The following ERGIC1 variants were observed in gnomAD, a reference collection of about 807,000 sequenced individuals.
The protein encoded by ERGIC1 is endoplasmic reticulum-golgi intermediate compartment 1.
ERGIC1 carries 19 observed loss-of-function variants against 38.3 expected under a neutral mutation model. The observed-to-expected ratio is 0.50, with a 90% CI of 0.35 to 0.73. The LOEUF is 0.73. Ranked by LOEUF, ERGIC1 falls within the 30% of genes least tolerant of loss-of-function variation. The probability of loss-of-function intolerance (pLI) is 0.01; values close to 1 mark genes in which losing one functional copy is unlikely to be tolerated. For missense variants in ERGIC1, 294 were observed against 389.2 expected (o/e 0.76, Z 2.06); for synonymous variants, 124 against 157.6 (o/e 0.79, Z 1.60).
intron 9 of ERGIC1, among the ~76,000 whole-genome samples, chr5:172,943,185 C>CATAAT: frequency 6.6e-6 from 1 of 152,282 alleles, no homozygotes. Context: ...GGTGCCATCT[C>CATAAT]AGACCCAGCA....
At chr5:172,911,210 T>G (rs1206312596) in intron 4 of ERGIC1, among the ~76,000 whole-genome samples, 1 of 152,242 alleles carries the variant, frequency 6.6e-6, no homozygotes, top group East Asian at 1.9e-4. Flanking sequence ...TCATTGCTTT[T>G]GGTGAGATTT....
chr5:172,852,722 C>T (rs1267710072), intron 1 of ERGIC1, among the ~76,000 whole-genome samples: 1 of 152,266 alleles, frequency 6.6e-6, no homozygotes, highest in African/African-American at 2.4e-5. Context: ...CTTACCGTGT[C>T]ATCAGCGGGG....
intron 1 of ERGIC1, among the ~76,000 whole-genome samples, chr5:172,851,609 T>G (rs971805064): frequency 1.3e-5 from 2 of 152,146 alleles, no homozygotes; most frequent in Admixed American, 1.3e-4. Context: ...CTCTGGGACC[T>G]TAAAGCGGGA....
rs754819558 is a variant in ERGIC1, at chr5:172,909,740, T to G, written c.229T>G (p.Leu77Val). ...GATCGACGTCAGTCTGAACATCAGT[T>G]TACCCAATCTGCACTGCGAGTGTGA... Reference protein sequence around the residue: ...GKIDVSLNISLPNLHCELVGL... With the variant: ...GKIDVSLNISVPNLHCELVGL... The change falls in exon 4 of 10, where the codon TTA becomes GTA. Residue 77 changes from leucine to valine, a missense_variant. Around this residue, in one of 3 missense-constraint regions of ERGIC1, gnomAD observed 163 missense variants for 225.8 expected, o/e 0.72. Transcript: ENST00000393784. 5.0e-6 allele frequency: 8 copies of G among 1,614,176 alleles called. No individual in the cohort carries two copies. The South Asian group carries it at 8.8e-5, about 18-fold the overall frequency.
chr5:172,924,336 G>T (rs1269349463), intron 6 of ERGIC1, among the ~76,000 whole-genome samples: 3 of 152,216 alleles, frequency 2.0e-5, no homozygotes, highest in Non-Finnish European at 4.4e-5. Context: ...CCAGCTGGTG[G>T]TTTTCATGTG....
chr5:172,846,023 T>C lies in ERGIC1; in HGVS notation c.20+11590T>C, dbSNP rs1761274947. Among the ~76,000 whole-genome samples the C allele has an allele frequency of 6.6e-6, 1 of 152,180 alleles. No homozygotes were observed. Among genetic ancestry groups the C allele is most frequent in the Admixed American group, 6.5e-5 (1 of 15,278 alleles). ...AGAATGTCCCCAGCCTGGGTTTGTCTGATGTTTCTTCCTAAGTGGACAGGG... is the reference window on the plus strand; with the variant it reads ...AGAATGTCCCCAGCCTGGGTTTGTCCGATGTTTCTTCCTAAGTGGACAGGG... On this transcript the variant is annotated intron_variant, in intron 1 of 9. Transcript: ENST00000393784. The surrounding 1 kb of genome is among the most constrained non-coding windows in gnomAD (Gnocchi z 4.0).
At chr5:172,925,541 G>A (rs565592815) in intron 6 of ERGIC1, among the ~76,000 whole-genome samples, 31 of 152,230 alleles carry the variant, frequency 2.0e-4, no homozygotes, top group Non-Finnish European at 2.9e-4. Context: ...ATGCCACCCC[G>A]CTGCTGCCCA....
chr5:172,855,286 CA>C (rs1761517944), intron 1 of ERGIC1, among the ~76,000 whole-genome samples: 3 of 152,200 alleles, frequency 2.0e-5, no homozygotes, highest in African/African-American at 7.2e-5. Flanking sequence ...GATCTGGACC[CA>C]GCAAACATGG....
At chr5:172,893,906 T>TACACAC in intron 2 of ERGIC1, among the ~76,000 whole-genome samples, 1 of 13,494 alleles carries the variant, frequency 7.4e-5, no homozygotes, top group Non-Finnish European at 2.0e-4. Context: ...TATATATATA[T>TACACAC]GTGTGTGTGT....
At chr5:172,852,704 G>T (rs903538171) in intron 1 of ERGIC1, among the ~76,000 whole-genome samples, 2 of 152,242 alleles carry the variant, frequency 1.3e-5, no homozygotes, top group African/African-American at 2.4e-5. Context: ...CTCTTGACTT[G>T]CCAACAACTT....
intron 1 of ERGIC1, among the ~76,000 whole-genome samples, chr5:172,880,121 C>G (rs1762244571): frequency 6.6e-6 from 1 of 152,104 alleles, no homozygotes; most frequent in South Asian, 2.1e-4. Context: ...ACTGCAACCT[C>G]CACCTCCCAG....
chr5:172,835,974 C>T (rs1364220797), intron 1 of ERGIC1, among the ~76,000 whole-genome samples: 1 of 152,230 alleles, frequency 6.6e-6, no homozygotes, highest in African/African-American at 2.4e-5. Flanking sequence ...TCCCCTTACC[C>T]AGGCCAACCA....
intron 1 of ERGIC1, among the ~76,000 whole-genome samples, chr5:172,853,577 G>A (rs1761466665): frequency 6.6e-6 from 1 of 152,242 alleles, no homozygotes; most frequent in South Asian, 2.1e-4. Flanking sequence ...TGGGGGCAAT[G>A]TGCTGGTTAA....
chr5:172,940,085 G>A (rs1326317872), intron 9 of ERGIC1, among the ~76,000 whole-genome samples: 2 of 152,148 alleles, frequency 1.3e-5, no homozygotes, highest in East Asian at 1.9e-4. Context: ...GTCATGTGGC[G>A]GCTGCGGGGC....
At chr5:172,857,576 G>A (rs1761581873) in intron 1 of ERGIC1, among the ~76,000 whole-genome samples, 2 of 143,634 alleles carry the variant, frequency 1.4e-5, no homozygotes, top group East Asian at 2.1e-4. Flanking sequence ...GTAACAATGG[G>A]CTAATAATGG....
At chr5:172,836,931 C>G (rs1761050893) in intron 1 of ERGIC1, among the ~76,000 whole-genome samples, 1 of 152,152 alleles carries the variant, frequency 6.6e-6, no homozygotes, top group Non-Finnish European at 1.5e-5. Context: ...TTGCTCTGGC[C>G]ATGCAGTGCA....
intron 1 of ERGIC1, among the ~76,000 whole-genome samples, chr5:172,863,711 A>G (rs1761778685): frequency 6.6e-6 from 1 of 152,154 alleles, no homozygotes; most frequent in African/African-American, 2.4e-5. Flanking sequence ...ACTTTCTTTG[A>G]GGTGTTAGAA....
rs62385855 is a variant in ERGIC1 at position 172,849,682 on chromosome 5, A to T, written c.20+15249A>T. Reference sequence around the variant, plus strand: ...TTTTCCAGTTGATGGCAGGAGTCATATGTGTCTTGGTGAATGTTAGGTCCT... The same window carrying T: ...TTTTCCAGTTGATGGCAGGAGTCATTTGTGTCTTGGTGAATGTTAGGTCCT... On this transcript the variant is annotated intron_variant, in intron 1 of 9. Coordinates refer to ENST00000393784, the MANE Select transcript of ERGIC1 (RefSeq NM_001031711.3). Among the ~76,000 whole-genome samples the T allele has an allele frequency of 6.0e-3, 919 of 152,300 alleles. 5 individuals carry two copies. The highest frequency in any genetic ancestry group is 6.6e-3 in the Non-Finnish European group (447 of 68,034).
At chr5:172,896,903 A>T in intron 2 of ERGIC1, 99 bp from the exon 3 acceptor site, 2 of 1,130,112 alleles carry the variant, frequency 1.8e-6, no homozygotes, top group Non-Finnish European at 2.6e-6. Context: ...ACAGCCCCAC[A>T]CCCTTGTCCT....
Sources: allele counts gnomAD v4.1 joint callset (sites outside exome capture counted in the v4.1 genomes callset), GRCh38; gene constraint gnomAD v4.1.1; regional missense constraint gnomAD v4.1.1; non-coding constraint Gnocchi (gnomAD v3.1); transcripts MANE v1.5; gene names NCBI Gene and HGNC (gene_info 2026-07-23, HGNC 2026-07-21).